The following KCNH7 variants were observed in gnomAD, a reference collection of about 807,000 sequenced individuals.
KCNH7 encodes the protein potassium voltage-gated channel subfamily H member 7.
A neutral mutation model predicts 120.8 loss-of-function variants in KCNH7; 49 were observed. The ratio of observed to expected loss-of-function variants is 0.41; its 90% CI spans 0.32 to 0.51. The LOEUF is 0.51. Ranked by LOEUF, KCNH7 falls within the 20% of genes least tolerant of loss-of-function variation. KCNH7 has a pLI of 0.38. For synonymous variants in KCNH7, 547 were observed against 516.1 expected, an observed-to-expected ratio of 1.06 and a Z score of -0.81; for missense variants, 1,097 against 1,446.6, an observed-to-expected ratio of 0.76 and a Z score of 3.92.
intron 2 of KCNH7, among the ~76,000 whole-genome samples, chr2:162,724,643 G>C (rs942009621): frequency 2.0e-5 from 3 of 146,634 alleles, no homozygotes; most frequent in Non-Finnish European, 3.0e-5. Flanking sequence ...CTGCACTCCA[G>C]CCTGGGCGAC....
intron 2 of KCNH7, among the ~76,000 whole-genome samples, chr2:162,641,355 T>C (rs1684150026): frequency 6.6e-6 from 1 of 152,132 alleles, no homozygotes; most frequent in South Asian, 2.1e-4. Context: ...TGCAAAAACC[T>C]GAGTTAATAT....
chr2:162,797,333 T>C (rs1684182262), intron 2 of KCNH7: 1 of 152,130 alleles, frequency 6.6e-6, no homozygotes, highest in Non-Finnish European at 1.5e-5. Context: ...AGAACTGATC[T>C]GTTTATTAAT....
chr2:162,758,022 A>G (rs1359992835), intron 2 of KCNH7, among the ~76,000 whole-genome samples: 2 of 152,322 alleles, frequency 1.3e-5, no homozygotes, highest in East Asian at 3.9e-4. Context: ...AGGAGATTTT[A>G]TATGCAGATA....
Position 162,838,434 on chromosome 2 carries a change from C to G in KCNH7, c.76+9G>C. 2.5e-6 allele frequency: 4 copies of G among 1,610,898 alleles called. No homozygotes were observed. The highest frequency in any genetic ancestry group is 1.1e-5 in the South Asian group (1 of 91,008). Reference sequence around the variant, plus strand: ...AGCGAGGGCGAGAGAAGAGAACAAACGAACTTACTTTGCCCTTCAAATTTC... The same window carrying G: ...AGCGAGGGCGAGAGAAGAGAACAAAGGAACTTACTTTGCCCTTCAAATTTC... On this transcript the variant is annotated intron_variant, in intron 1 of 15. Coordinates refer to ENST00000332142, the MANE Select transcript of KCNH7 (RefSeq NM_033272.4).
chr2:162,456,142 G>T (rs1029457116), intron 6 of KCNH7, among the ~76,000 whole-genome samples: 1 of 151,848 alleles, frequency 6.6e-6, no homozygotes, highest in African/African-American at 2.4e-5. Flanking sequence ...TTGTCTCTTT[G>T]TTCTCATTGG....
At chr2:162,634,910 A>C (rs1574199850) in intron 2 of KCNH7, among the ~76,000 whole-genome samples, 1 of 151,962 alleles carries the variant, frequency 6.6e-6, no homozygotes, top group Non-Finnish European at 1.5e-5. Flanking sequence ...GAAAACCAAC[A>C]CCTTCCGTTC....
At chr2:162,791,799 C>A (rs1683955863) in intron 2 of KCNH7, among the ~76,000 whole-genome samples, 2 of 152,010 alleles carry the variant, frequency 1.3e-5, no homozygotes, top group Non-Finnish European at 2.9e-5. Context: ...TTGCCCTAGC[C>A]AGGACTTCCA....
chr2:162,778,552 C>T (rs1683345401), intron 2 of KCNH7, among the ~76,000 whole-genome samples: 1 of 152,162 alleles, frequency 6.6e-6, no homozygotes, highest in Non-Finnish European at 1.5e-5. Flanking sequence ...ATCTTATTAT[C>T]AGTGCCTGCA....
At chr2:162,583,864 G>T (rs900823993) in intron 2 of KCNH7, among the ~76,000 whole-genome samples, 9 of 152,092 alleles carry the variant, frequency 5.9e-5, no homozygotes, top group African/African-American at 2.2e-4. Flanking sequence ...AGATTATTTT[G>T]TAGTAATCAC....
chr2:162,823,956 AAATT>A (rs1468283917), intron 2 of KCNH7, among the ~76,000 whole-genome samples: 1 of 152,066 alleles, frequency 6.6e-6, no homozygotes, highest in Admixed American at 6.5e-5. Flanking sequence ...TTTACACTCG[AAATT>A]AATTTTCATT....
At position 162,698,433 on chromosome 2, in the gene KCNH7, A is replaced by AT. The variant is rs34577338; in HGVS notation, c.307+138103dup. On this transcript the variant is annotated intron_variant, in intron 2 of 15. Transcript: ENST00000332142. ...TAGGATAACTTTAATCGCCGTCTTT[A>AT]TTTTTTTTTTTTTAACTTCCATTGC... is the stretch of plus-strand genomic sequence containing the variant. Among the ~76,000 whole-genome samples the AT allele has an allele frequency of 9.0e-3, 1,251 of 139,386 alleles. 6 individuals are homozygous for AT. Among genetic ancestry groups the AT allele is most frequent in the Middle Eastern group, 0.011 (3 of 272 alleles). The allele number at this position is 139,386 out of a possible 152,430, so 91.4% of individuals were successfully genotyped here. A position where few individuals can be genotyped will look rare whatever the true frequency, so the allele number is the denominator to read the frequency against.
chr2:162,731,155 G>C (rs887887473), intron 2 of KCNH7, among the ~76,000 whole-genome samples: 1 of 151,048 alleles, frequency 6.6e-6, no homozygotes, highest in Non-Finnish European at 1.5e-5. Context: ...AAATAAAGTA[G>C]AGACTTGAGA....
chr2:162,410,980 A>C (rs1286582487), intron 9 of KCNH7, among the ~76,000 whole-genome samples: 1 of 152,124 alleles, frequency 6.6e-6, no homozygotes, highest in Non-Finnish European at 1.5e-5. Flanking sequence ...GAGAAGAGTG[A>C]ACACTTGTAC....
intron 2 of KCNH7, among the ~76,000 whole-genome samples, chr2:162,723,508 T>C (rs1687405619): frequency 6.6e-6 from 1 of 152,200 alleles, no homozygotes; most frequent in Admixed American, 6.5e-5. Context: ...TACCACCCAA[T>C]GATGAAGGCA....
At chr2:162,412,328 C>G (rs1687414722) in intron 9 of KCNH7, among the ~76,000 whole-genome samples, 1 of 151,690 alleles carries the variant, frequency 6.6e-6, no homozygotes, top group Admixed American at 6.6e-5. Context: ...AGATATAAAC[C>G]AGTGATTCTC....
rs576490719 is a variant in KCNH7, at chr2:162,780,995, A to G, written c.307+55542T>C. ...GATTATATCCTATTGTATATATCCA[A>G]ATATGGCCATTTACATATCCAATCT... On this transcript the variant is annotated intron_variant, in intron 2 of 15. Transcript: ENST00000332142. Among the ~76,000 whole-genome samples the G allele has an allele frequency of 1.2e-3, 179 of 152,222 alleles. 1 individual carries two copies. Among genetic ancestry groups the G allele is most frequent in the African/African-American group, 4.0e-3 (168 of 41,564 alleles).
chr2:162,411,125 TTA>T (rs1558931341), intron 9 of KCNH7, among the ~76,000 whole-genome samples: 1 of 152,090 alleles, frequency 6.6e-6, no homozygotes, highest in Non-Finnish European at 1.5e-5. Context: ...GGAAATTAAA[TTA>T]TTCTACCAAA....
chr2:162,458,375 C>G (rs1001542404), intron 6 of KCNH7, among the ~76,000 whole-genome samples: 1 of 152,036 alleles, frequency 6.6e-6, no homozygotes, highest in African/African-American at 2.4e-5. Context: ...GAGCCATAAA[C>G]TTAACTCCAA....
intron 2 of KCNH7, among the ~76,000 whole-genome samples, chr2:162,785,312 C>G (rs1683656723): frequency 1.3e-5 from 2 of 152,160 alleles, no homozygotes; most frequent in African/African-American, 4.8e-5. Flanking sequence ...TCACATTTAG[C>G]TAAATACACC....
Sources: gnomAD v4.1 joint callset for allele counts (sites outside exome capture counted in the v4.1 genomes callset) on GRCh38, gnomAD v4.1.1 for gene constraint, MANE v1.5 for transcripts, NCBI Gene and HGNC (gene_info 2026-07-23, HGNC 2026-07-21) for gene names.